The following CLDN10 variants were observed in gnomAD, a reference collection of about 807,000 sequenced individuals.
CLDN10 encodes claudin 10, also known as claudin-10.
Under a neutral mutation model 22.9 loss-of-function variants are expected in CLDN10, and 15 were observed. The observed-to-expected ratio is 0.65, with a 90% confidence interval of 0.44 to 1.01. The LOEUF is 1.01. CLDN10 is among the 50% of genes least tolerant of loss of function. The pLI, the probability that CLDN10 is intolerant of heterozygous loss-of-function variation, is 0.00. For missense variants in CLDN10, 247 were observed against 287.8 expected (o/e 0.86, Z 1.03); for synonymous variants, 114 against 111.4 (o/e 1.02, Z -0.15).
At chr13:95,540,683 T>G (rs770744890) in intron 1 of CLDN10, among the ~76,000 whole-genome samples, 4 of 152,202 alleles carry the variant, frequency 2.6e-5, no homozygotes, top group Non-Finnish European at 4.4e-5. Context: ...TGATGTTAAT[T>G]CTTAACGTTG....
At chr13:95,450,859 A>G (rs1324354690) in intron 1 of CLDN10, among the ~76,000 whole-genome samples, 1 of 152,228 alleles carries the variant, frequency 6.6e-6, no homozygotes, top group African/African-American at 2.4e-5. Flanking sequence ...AATCAAGGCT[A>G]CAGATGAAAC....
chr13:95,566,550 A>C (rs946678908), intron 3 of CLDN10, among the ~76,000 whole-genome samples: 1 of 151,738 alleles, frequency 6.6e-6, no homozygotes, highest in African/African-American at 2.4e-5. Context: ...GATTGCAAAA[A>C]TTTTCTCCCA....
intron 1 of CLDN10, among the ~76,000 whole-genome samples, chr13:95,502,390 G>A (rs534925386): frequency 1.6e-4 from 24 of 152,326 alleles, no homozygotes; most frequent in Non-Finnish European, 2.8e-4. Context: ...GGGAGTGGTT[G>A]TACAAACCTG....
intron 1 of CLDN10, among the ~76,000 whole-genome samples, chr13:95,490,449 G>C (rs1263392966): frequency 6.6e-6 from 1 of 152,080 alleles, no homozygotes; most frequent in Non-Finnish European, 1.5e-5. Flanking sequence ...TATCCCAGGG[G>C]TTTTGATAGG....
chr13:95,482,785 TG>T (rs2042763827), intron 1 of CLDN10, among the ~76,000 whole-genome samples: 1 of 152,194 alleles, frequency 6.6e-6, no homozygotes, highest in Admixed American at 6.5e-5. Context: ...GAGACCACCC[TG>T]GCCAACATGG....
intron 1 of CLDN10, among the ~76,000 whole-genome samples, chr13:95,539,099 G>T (rs2043432923): frequency 6.6e-6 from 1 of 152,104 alleles, no homozygotes; most frequent in Non-Finnish European, 1.5e-5. Context: ...GGCTGCCCTT[G>T]AACTCCCGAC....
intron 3 of CLDN10, among the ~76,000 whole-genome samples, chr13:95,565,258 G>A (rs1318237364): frequency 1.3e-5 from 2 of 152,114 alleles, no homozygotes; most frequent in Non-Finnish European, 2.9e-5. Context: ...CTAACTTTCT[G>A]AATGTCCAGC....
intron 1 of CLDN10, among the ~76,000 whole-genome samples, chr13:95,537,123 A>AT (rs991489431): frequency 6.6e-6 from 1 of 152,228 alleles, no homozygotes; most frequent in Admixed American, 6.5e-5. Flanking sequence ...AAGATAGAAT[A>AT]TTTTAAAATT....
At position 95,546,899 on chromosome 13, in the gene CLDN10, C is replaced by T. The variant is rs2043515066; in HGVS notation, c.215-13233C>T. Among the ~76,000 whole-genome samples, 3 of 152,252 alleles carry T rather than the reference C, an allele frequency of 2.0e-5. No homozygotes were observed. In the South Asian group the frequency reaches 6.2e-4, roughly 32 times the overall value. Reference sequence around the variant, plus strand: ...TCTTTATTTCTTGCCCCTTGCTTTTCTCTTTGCAGTTTCTGTTCCCCTTAC... The same window carrying T: ...TCTTTATTTCTTGCCCCTTGCTTTTTTCTTTGCAGTTTCTGTTCCCCTTAC... On this transcript the variant is annotated intron_variant, in intron 1 of 4. Coordinates refer to the CLDN10 transcript ENST00000376873.
At chr13:95,449,133 T>A (rs958737728) in intron 1 of CLDN10, among the ~76,000 whole-genome samples, 1 of 152,144 alleles carries the variant, frequency 6.6e-6, no homozygotes, top group Non-Finnish European at 1.5e-5. Flanking sequence ...TCCATTTCCC[T>A]CCTCCATTCC....
intron 1 of CLDN10, among the ~76,000 whole-genome samples, chr13:95,530,841 C>T (rs1036390428): frequency 4.6e-5 from 7 of 152,050 alleles, no homozygotes; most frequent in African/African-American, 1.7e-4. Context: ...ACTCACTTAC[C>T]TAAGTTCATA....
intron 1 of CLDN10, among the ~76,000 whole-genome samples, chr13:95,455,206 A>AG (rs1295803762): frequency 6.6e-6 from 1 of 152,144 alleles, no homozygotes; most frequent in East Asian, 1.9e-4. Flanking sequence ...AGAAAAAAAA[A>AG]AAAAAACTAT....
intron 1 of CLDN10, among the ~76,000 whole-genome samples, chr13:95,440,209 G>A (rs1173246560): frequency 6.6e-6 from 1 of 152,118 alleles, no homozygotes; most frequent in Admixed American, 6.6e-5. Flanking sequence ...ACCATGCCTG[G>A]CCAATATTAA....
At chr13:95,529,853 T>A (rs2043322436) in intron 1 of CLDN10, among the ~76,000 whole-genome samples, 1 of 151,476 alleles carries the variant, frequency 6.6e-6, no homozygotes, top group South Asian at 2.1e-4. Context: ...CCCTTGAAAC[T>A]AGCTTATTAG....
At chr13:95,519,527 G>A (rs549885367) in intron 1 of CLDN10, among the ~76,000 whole-genome samples, 70 of 152,346 alleles carry the variant, frequency 4.6e-4, no homozygotes, top group Non-Finnish European at 7.9e-4. Context: ...AGCCCTGGAG[G>A]TAGGAATGGG....
intron 1 of CLDN10, among the ~76,000 whole-genome samples, chr13:95,534,373 A>G (rs1443442812): frequency 6.6e-6 from 1 of 152,204 alleles, no homozygotes; most frequent in Non-Finnish European, 1.5e-5. Flanking sequence ...TCAAAAGAGG[A>G]AAAATATTTG....
chr13:95,459,666 C>T (rs1290334552), intron 1 of CLDN10, among the ~76,000 whole-genome samples: 2 of 152,172 alleles, frequency 1.3e-5, no homozygotes, highest in East Asian at 1.9e-4. Flanking sequence ...CCTCCTAGGC[C>T]TCCAGGCCTG....
At chr13:95,565,633 TTTA>T (rs889716244) in intron 3 of CLDN10, among the ~76,000 whole-genome samples, 5 of 152,284 alleles carry the variant, frequency 3.3e-5, no homozygotes, top group East Asian at 1.9e-4. Context: ...ACTTTCTTTT[TTTA>T]TTATTATTAT....
At chr13:95,535,166 T>C (rs1204663577) in intron 1 of CLDN10, among the ~76,000 whole-genome samples, 1 of 152,202 alleles carries the variant, frequency 6.6e-6, no homozygotes, top group Non-Finnish European at 1.5e-5. Context: ...GATCCTAGGA[T>C]ACCTTTTGTG....
Sources: gnomAD v4.1 joint callset for allele counts (sites outside exome capture counted in the v4.1 genomes callset) on GRCh38, gnomAD v4.1.1 for gene constraint, MANE v1.5 for transcripts, NCBI Gene and HGNC (gene_info 2026-07-23, HGNC 2026-07-21) for gene names.